DISP1: variants seen among roughly 807,000 people sequenced by gnomAD.
DISP1 encodes the protein dispatched RND transporter family member 1.
A neutral mutation model predicts 37.3 loss-of-function variants in DISP1; 30 were observed. That is an observed-to-expected ratio of 0.80 (90% CI 0.60 to 1.09). The LOEUF (loss-of-function observed/expected upper bound fraction) is 1.09, where lower values mean the gene tolerates loss of function less well. DISP1 is among the 50% of genes least tolerant of loss of function. The pLI, the probability that DISP1 is intolerant of heterozygous loss-of-function variation, is 0.00. For synonymous variants in DISP1, 634 were observed against 690.2 expected (o/e 0.92, Z 1.28); for missense variants, 1,598 against 1,879.5 (o/e 0.85, Z 2.77).
rs771711812 is a variant in DISP1 at position 223,004,376 on chromosome 1, T to A, written c.2979T>A (p.Ala993=). The A allele has an allele frequency of 3.7e-6, 6 of 1,614,244 alleles. No individual in the cohort carries two copies. The highest frequency in any genetic ancestry group is 5.1e-6 in the Non-Finnish European group (6 of 1,180,046). The change falls in exon 9 of 9, where the codon GCT becomes GCA. Residue 993 remains alanine, a synonymous_variant. Transcript: ENST00000675850. This position sits in a 1 kb window ranked among gnomAD's most constrained non-coding sequence, Gnocchi z 4.9. The stretch of plus-strand genomic sequence containing the variant: ...TCATTGCCATGGGGCTGTCAGTTGC[T>A]GTTGCATTTAGCGTGATGCTGCTGA... ...GTLIAMGLSV[A]VAFSVMLLTT...
In DISP1 at chr1:222,890,539, T is replaced by G. The variant is rs529203490; in HGVS notation, c.-158-37891T>G. ...TATGAGAGCTGATAAATGAGGGAGATAAGGGATAGTTCATTTTGGGGGAAT... is the reference window on the plus strand; with the variant it reads ...TATGAGAGCTGATAAATGAGGGAGAGAAGGGATAGTTCATTTTGGGGGAAT... On this transcript the variant is annotated intron_variant, in intron 1 of 8. Coordinates refer to ENST00000675850, the MANE Select transcript of DISP1 (RefSeq NM_001377229.1). 3.9e-5 allele frequency among the ~76,000 whole-genome samples: 6 copies of G among 152,046 alleles called. No individual in the cohort carries two copies. The South Asian group carries it at 1.2e-3, about 32-fold the overall frequency.
chr1:222,932,405 T>G (rs943917151), intron 2 of DISP1, among the ~76,000 whole-genome samples: 1 of 151,962 alleles, frequency 6.6e-6, no homozygotes, highest in African/African-American at 2.4e-5. Flanking sequence ...TTATTAATAT[T>G]CATATTTAAT....
chr1:222,946,808 T>C (rs1051563464), intron 3 of DISP1, among the ~76,000 whole-genome samples: 19 of 152,210 alleles, frequency 1.2e-4, no homozygotes, highest in African/African-American at 4.3e-4. Context: ...TGCAAATACT[T>C]TTACAAGGTG....
At chr1:222,901,528 T>G (rs1671582418) in intron 1 of DISP1, among the ~76,000 whole-genome samples, 1 of 149,850 alleles carries the variant, frequency 6.7e-6, no homozygotes, top group African/African-American at 2.4e-5. Flanking sequence ...TTTTTTTGTT[T>G]GTTTTTTGTT....
At chr1:223,000,074 T>C (rs1679329204) in intron 8 of DISP1, among the ~76,000 whole-genome samples, 2 of 152,244 alleles carry the variant, frequency 1.3e-5, no homozygotes, top group Non-Finnish European at 2.9e-5. Flanking sequence ...CAGAATTCTA[T>C]GCTTTCTCTC....
intron 3 of DISP1, among the ~76,000 whole-genome samples, chr1:222,977,985 A>G (rs564437543): frequency 0.012 from 1,790 of 152,116 alleles, 38 homozygotes; most frequent in African/African-American, 0.041. Context: ...GAATAGTGCC[A>G]CAATAAACAT....
intron 1 of DISP1, among the ~76,000 whole-genome samples, chr1:222,843,507 G>C (rs957275153): frequency 1.1e-4 from 17 of 148,134 alleles, no homozygotes. Context: ...TCCTAATTGA[G>C]AATATGGAAT....
At chr1:222,975,328 G>GCACA (rs1677236320) in intron 3 of DISP1, among the ~76,000 whole-genome samples, 1 of 152,146 alleles carries the variant, frequency 6.6e-6, no homozygotes, top group African/African-American at 2.4e-5. Flanking sequence ...ACCCACCTGA[G>GCACA]ACTGTCCCTT....
chr1:222,998,347 G>A (rs572139197), intron 8 of DISP1, among the ~76,000 whole-genome samples: 1 of 151,434 alleles, frequency 6.6e-6, no homozygotes, highest in Non-Finnish European at 1.5e-5. Context: ...AATTGTTGGT[G>A]GGTTGACTCC....
chr1:222,945,292 C>A (rs1188715618), intron 3 of DISP1, among the ~76,000 whole-genome samples: 1 of 152,048 alleles, frequency 6.6e-6, no homozygotes, highest in Non-Finnish European at 1.5e-5. Context: ...TTTACCAAAG[C>A]CATTTCTTAG....
intron 1 of DISP1, among the ~76,000 whole-genome samples, chr1:222,842,761 A>G (rs1322215229): frequency 5.9e-5 from 9 of 152,000 alleles, no homozygotes; most frequent in Admixed American, 5.9e-4. Flanking sequence ...AATGGATTTA[A>G]TTTTGTTTAG....
At chr1:222,983,702 G>A (rs1414278548) in intron 4 of DISP1, among the ~76,000 whole-genome samples, 1 of 152,152 alleles carries the variant, frequency 6.6e-6, no homozygotes, top group African/African-American at 2.4e-5. Context: ...TACTTAGTGA[G>A]GAAAGAGATA....
chr1:222,986,559 C>T (rs1440330266), intron 4 of DISP1, among the ~76,000 whole-genome samples: 1 of 152,196 alleles, frequency 6.6e-6, no homozygotes, highest in Non-Finnish European at 1.5e-5. Context: ...TCCAGCATGG[C>T]AGTAACACCC....
At chr1:222,873,801 T>C (rs1306348382) in intron 1 of DISP1, among the ~76,000 whole-genome samples, 1 of 152,226 alleles carries the variant, frequency 6.6e-6, no homozygotes. Flanking sequence ...TATATGTGAA[T>C]TTGATCCTGT....
At chr1:222,829,824 T>G (rs189295330) in intron 1 of DISP1, among the ~76,000 whole-genome samples, 47 of 152,356 alleles carry the variant, frequency 3.1e-4, no homozygotes, top group Admixed American at 2.9e-3. Flanking sequence ...CTGCATAGGA[T>G]ACATGTGTTG....
intron 1 of DISP1, among the ~76,000 whole-genome samples, chr1:222,824,978 A>G (rs1212182011): frequency 6.6e-6 from 1 of 152,194 alleles, no homozygotes; most frequent in Non-Finnish European, 1.5e-5. Context: ...AGACAGTTTC[A>G]TTCTTTTTAA....
intron 1 of DISP1, among the ~76,000 whole-genome samples, chr1:222,850,771 C>G (rs967101452): frequency 1.3e-5 from 2 of 152,260 alleles, no homozygotes; most frequent in East Asian, 3.9e-4. Flanking sequence ...AAGACATGAT[C>G]TCATTCTTTT....
chr1:222,827,897 A>C (rs1412945816), intron 1 of DISP1, among the ~76,000 whole-genome samples: 2 of 152,216 alleles, frequency 1.3e-5, no homozygotes, highest in East Asian at 1.9e-4. Flanking sequence ...TCAAGGAAAA[A>C]TTCTATGTAA....
rs148843202 is a variant in DISP1, at chr1:222,943,278, C to T, written c.455C>T (p.Pro152Leu). The T allele has an allele frequency of 5.6e-6, 9 of 1,614,070 alleles. No individual in the cohort carries two copies. Among genetic ancestry groups the T allele is most frequent in the African/African-American group, 2.7e-5 (2 of 74,940 alleles). Residue 152 changes from proline to leucine, a missense_variant, in exon 3 of 9, where the codon CCG (proline) becomes CTG (leucine). By Grantham distance (98) the Pro-to-Leu change is moderately conservative. Coordinates refer to ENST00000675850, the MANE Select transcript of DISP1 (RefSeq NM_001377229.1). ...QPSPSFCLHHPWPDHFQHQPV... is the reference protein window; with the variant it reads ...QPSPSFCLHHLWPDHFQHQPV... The stretch of plus-strand genomic sequence containing the variant: ...TCTCCATCCTTCTGCCTGCATCATC[C>T]GTGGCCTGACCATTTTCAGCATCAG...
Sources: allele counts gnomAD v4.1 joint callset (sites outside exome capture counted in the v4.1 genomes callset), GRCh38; gene constraint gnomAD v4.1.1; non-coding constraint Gnocchi (gnomAD v3.1); transcripts MANE v1.5; gene names NCBI Gene and HGNC (gene_info 2026-07-23, HGNC 2026-07-21).